PLXDC2: variants seen among roughly 807,000 people sequenced by gnomAD.
PLXDC2 encodes the protein plexin domain-containing protein 2.
A neutral mutation model predicts 68.9 loss-of-function variants in PLXDC2; 40 were observed. The observed-to-expected ratio is 0.58, with a 90% CI of 0.45 to 0.76. The LOEUF is 0.76. PLXDC2 is among the 30% of genes least tolerant of loss of function. The pLI, the probability that PLXDC2 is intolerant of heterozygous loss-of-function variation, is 0.00. For missense variants in PLXDC2, 644 were observed against 661.9 expected (o/e 0.97, Z 0.30); for synonymous variants, 243 against 234.2 (o/e 1.04, Z -0.34).
chr10:19,845,577 C>A (rs1174146581), intron 1 of PLXDC2, among the ~76,000 whole-genome samples: 1 of 152,074 alleles, frequency 6.6e-6, no homozygotes, highest in Non-Finnish European at 1.5e-5. Context: ...TAGCTTTCCC[C>A]AGAAAATAAT....
At chr10:19,960,838 G>A (rs1564639987) in intron 1 of PLXDC2, among the ~76,000 whole-genome samples, 1 of 152,186 alleles carries the variant, frequency 6.6e-6, no homozygotes, top group Non-Finnish European at 1.5e-5. Context: ...GTTGCTATTT[G>A]CATAATCAAT....
chr10:20,217,847 T>G (rs1164159085), intron 11 of PLXDC2, among the ~76,000 whole-genome samples: 1 of 152,094 alleles, frequency 6.6e-6, no homozygotes, highest in Non-Finnish European at 1.5e-5. Context: ...TCTTGTCCTC[T>G]CCTTCCTAGA....
At chr10:20,003,015 G>T (rs900870152) in intron 2 of PLXDC2, among the ~76,000 whole-genome samples, 1 of 152,144 alleles carries the variant, frequency 6.6e-6, no homozygotes. Flanking sequence ...GCTATGAAGC[G>T]GAGGGAGGAG....
chr10:20,177,089 TACCCAGTAAGCGAA>T lies in PLXDC2; in HGVS notation c.975_979+9del. 1 of 1,602,648 alleles carries T rather than the reference TACCCAGTAAGCGAA, an allele frequency of 6.2e-7. No individual in the cohort carries two copies. Among genetic ancestry groups the T allele is most frequent in the Non-Finnish European group, 8.5e-7 (1 of 1,170,530 alleles). ...ATTTCGGCTGTGGAGATGACCCCAT[TACCCAGTAAGCGAA>T]TATGTAAACCTAGGTGGAAAACATG... On this transcript the variant is annotated splice_donor_variant and splice_donor_5th_base_variant and coding_sequence_variant and intron_variant, in exon 8 of 14. Transcript: ENST00000377252. LOFTEE classifies it high-confidence loss of function.
At chr10:20,025,715 C>T (rs1202404860) in intron 2 of PLXDC2, among the ~76,000 whole-genome samples, 1 of 151,980 alleles carries the variant, frequency 6.6e-6, no homozygotes, top group African/African-American at 2.4e-5. Flanking sequence ...CTATTCAAGT[C>T]TTTTGCCCAT....
chr10:19,868,537 C>T (rs950188869), intron 1 of PLXDC2, among the ~76,000 whole-genome samples: 1 of 151,976 alleles, frequency 6.6e-6, no homozygotes, highest in African/African-American at 2.4e-5. Context: ...TTTTCTGACT[C>T]TATAAAATTA....
At chr10:20,271,807 G>A (rs1251496151) in intron 13 of PLXDC2, among the ~76,000 whole-genome samples, 1 of 152,162 alleles carries the variant, frequency 6.6e-6, no homozygotes, top group Non-Finnish European at 1.5e-5. Flanking sequence ...GCCAGGCTCT[G>A]GAGGTAGCAG....
At chr10:19,923,840 G>T (rs1833499172) in intron 1 of PLXDC2, among the ~76,000 whole-genome samples, 1 of 152,196 alleles carries the variant, frequency 6.6e-6, no homozygotes, top group South Asian at 2.1e-4. Context: ...AAGGCTGGTG[G>T]ATTGCTTGAG....
intron 13 of PLXDC2, among the ~76,000 whole-genome samples, chr10:20,246,205 T>C (rs1835592937): frequency 1.3e-5 from 2 of 152,114 alleles, no homozygotes; most frequent in African/African-American, 4.8e-5. Flanking sequence ...GGGCTGTGCA[T>C]AAGGAGCCAT....
chr10:19,982,950 A>G (rs1404869722), intron 1 of PLXDC2, among the ~76,000 whole-genome samples: 2 of 152,184 alleles, frequency 1.3e-5, no homozygotes, highest in Non-Finnish European at 2.9e-5. Context: ...TAGGTATATT[A>G]TTTTTAAAAT....
intron 7 of PLXDC2, among the ~76,000 whole-genome samples, chr10:20,172,545 C>T (rs1834462355): frequency 6.6e-6 from 1 of 152,020 alleles, no homozygotes; most frequent in Admixed American, 6.6e-5. Flanking sequence ...AGTATTTTTA[C>T]CTGCATAGAC....
chr10:20,219,171 A>C, intron 12 of PLXDC2, 69 bp downstream of exon 12: 2 of 1,498,510 alleles, frequency 1.3e-6, no homozygotes, highest in Non-Finnish European at 1.8e-6. Context: ...TTTTACTATG[A>C]GAAAGGCAAT....
chr10:20,287,062 C>T lies in PLXDC2; in HGVS notation c.*7243C>T, dbSNP rs1106674. The T allele has an allele frequency of 0.25, 37,936 of 152,076 alleles. 5,172 individuals are homozygous for T. Among genetic ancestry groups the T allele is most frequent in the East Asian group, 0.47 (2,428 of 5,160 alleles). The allele number at this position is 152,076 out of a possible 1,614,324, so 9.4% of individuals were successfully genotyped here. On this transcript the variant is annotated 3_prime_UTR_variant, in exon 14 of 14. Transcript: ENST00000377252. ...CTTAAGAGCAATGTGCTAATAAATA[C>T]TCATTGATGACCAGCTCAAATTTAG...
chr10:19,954,955 A>G (rs758455728), intron 1 of PLXDC2, among the ~76,000 whole-genome samples: 1 of 151,872 alleles, frequency 6.6e-6, no homozygotes, highest in Admixed American at 6.6e-5. Flanking sequence ...ATGGGTGATT[A>G]TATTACCTTC....
chr10:20,182,388 C>T (rs148954267), intron 9 of PLXDC2, among the ~76,000 whole-genome samples: 12 of 152,034 alleles, frequency 7.9e-5, no homozygotes, highest in East Asian at 5.8e-4. Context: ...TTTCACTCAA[C>T]GTAACATTTT....
intron 9 of PLXDC2, among the ~76,000 whole-genome samples, chr10:20,210,471 G>A (rs903730828): frequency 2.6e-5 from 4 of 152,136 alleles, no homozygotes; most frequent in African/African-American, 7.2e-5. Context: ...AAATTATTGG[G>A]CTGTGTAAGA....
chr10:19,942,883 G>C (rs571490688), intron 1 of PLXDC2, among the ~76,000 whole-genome samples: 2 of 152,272 alleles, frequency 1.3e-5, no homozygotes, highest in South Asian at 4.1e-4. Flanking sequence ...TTTATCCTTA[G>C]TTGACGAAAT....
chr10:19,857,845 A>G (rs1044747891), intron 1 of PLXDC2, among the ~76,000 whole-genome samples: 1 of 152,212 alleles, frequency 6.6e-6, no homozygotes, highest in East Asian at 1.9e-4. Context: ...TTTATAATGA[A>G]TCAACAAATC....
chr10:19,987,133 A>G (rs907662407), intron 1 of PLXDC2, among the ~76,000 whole-genome samples: 1 of 152,202 alleles, frequency 6.6e-6, no homozygotes, highest in African/African-American at 2.4e-5. Flanking sequence ...TGAAAAGACA[A>G]GTGAGGTTAA....
Sources: allele counts gnomAD v4.1 joint callset (sites outside exome capture counted in the v4.1 genomes callset), GRCh38; gene constraint gnomAD v4.1.1; transcripts MANE v1.5; gene names NCBI Gene and HGNC (gene_info 2026-07-23, HGNC 2026-07-21).